TENM1: variants seen among roughly 807,000 people sequenced by gnomAD.
The protein encoded by TENM1 is teneurin transmembrane protein 1, also known as teneurin-1.
A neutral mutation model predicts 174.8 loss-of-function variants in TENM1; 35 were observed. The observed-to-expected ratio is 0.20, with a 90% CI of 0.15 to 0.27. The LOEUF is 0.27. Ranked by LOEUF, TENM1 falls within the 10% of genes least tolerant of loss-of-function variation. The probability of loss-of-function intolerance (pLI) is 1.00; values close to 1 mark genes in which losing one functional copy is unlikely to be tolerated. For synonymous variants in TENM1, 781 were observed against 798.7 expected, an observed-to-expected ratio of 0.98 and a Z score of 0.37; for missense variants, 1,633 against 2,130.1, an observed-to-expected ratio of 0.77 and a Z score of 4.59.
At chrX:125,021,139 C>G in the TENM1 span, among the ~76,000 whole-genome samples, 1 of 109,862 alleles carries the variant, frequency 9.1e-6, no homozygotes, top group Non-Finnish European at 1.9e-5. Context: ...GTTTTATGGT[C>G]TTGTCAAATT....
At chrX:124,951,943 G>A (rs774635525) in intron 1 of TENM1, among the ~76,000 whole-genome samples, 2 of 109,810 alleles carry the variant, frequency 1.8e-5, no homozygotes, top group Non-Finnish European at 3.8e-5. Context: ...AGATGCTTTG[G>A]TACTGCCAAT....
chrX:124,438,642 C>T (rs1460247985), intron 23 of TENM1, among the ~76,000 whole-genome samples: 1 of 111,738 alleles, frequency 8.9e-6, no homozygotes, highest in African/African-American at 3.3e-5. Flanking sequence ...GCATTGAGCA[C>T]GGTACTTGAC....
At chrX:124,380,841 G>T (rs1258332779) in exon 32 of TENM1, 1 of 1,211,279 alleles carries the variant, frequency 8.3e-7, no homozygotes, top group Non-Finnish European at 1.1e-6. Flanking sequence ...GCTCCATGCT[G>T]GAGCTGAATA....
chrX:124,392,276 G>A lies in TENM1; in HGVS notation c.5464C>T (p.Arg1822Ter), dbSNP rs1453916240. ...TAAAGAATTCGAAGGGTGAATTTTC[G>A]ATGGTCATCATAGATCTTTCCTGTG... Residue 1822 changes from arginine (R) to a stop codon, truncating the protein, a stop_gained, in exon 28 of 32, where the codon CGA becomes TGA. Transcript: ENST00000422452. LOFTEE classifies it high-confidence loss of function. 2 of 1,210,012 alleles carry A rather than the reference G, an allele frequency of 1.7e-6. No individual in the cohort carries two copies. The highest frequency in any genetic ancestry group is 2.2e-6 in the Non-Finnish European group (2 of 893,731).
the TENM1 span, among the ~76,000 whole-genome samples, chrX:125,124,128 C>A: frequency 1.8e-5 from 2 of 112,120 alleles, no homozygotes; most frequent in African/African-American, 6.5e-5. Context: ...GCACCCAATG[C>A]GTGTATCTTT....
the TENM1 span, among the ~76,000 whole-genome samples, chrX:125,018,703 G>A: frequency 9.0e-6 from 1 of 110,617 alleles, no homozygotes; most frequent in Non-Finnish European, 1.9e-5. Flanking sequence ...TTCATCTAGG[G>A]GTACCGTAAG....
At chrX:124,901,312 T>G (rs1299552902) in intron 1 of TENM1, among the ~76,000 whole-genome samples, 1 of 111,506 alleles carries the variant, frequency 9.0e-6, no homozygotes, top group Non-Finnish European at 1.9e-5. Flanking sequence ...TTAATAATTT[T>G]TTTTTAAATG....
At chrX:125,196,980 A>G in the TENM1 span, among the ~76,000 whole-genome samples, 20 of 111,566 alleles carry the variant, frequency 1.8e-4, no homozygotes, top group South Asian at 1.1e-3. Context: ...CCAATTGTCC[A>G]TCTAATCTGG....
intron 18 of TENM1, among the ~76,000 whole-genome samples, chrX:124,515,428 T>A (rs1157978223): frequency 9.0e-6 from 1 of 111,665 alleles, no homozygotes; most frequent in South Asian, 3.7e-4. Context: ...GCAAATAACA[T>A]GATTCTATAT....
intron 14 of TENM1, among the ~76,000 whole-genome samples, chrX:124,557,597 G>A (rs770941508): frequency 2.7e-3 from 304 of 110,730 alleles, no homozygotes; most frequent in African/African-American, 9.3e-3. Flanking sequence ...TCACAGTTCC[G>A]TTTATTTAAT....
the TENM1 span, among the ~76,000 whole-genome samples, chrX:125,072,320 C>G: frequency 9.0e-6 from 1 of 111,173 alleles, no homozygotes; most frequent in African/African-American, 3.3e-5. Flanking sequence ...TAAAATCAAT[C>G]TGATGCTGTT....
chrX:124,716,230 A>G (rs182418039), intron 4 of TENM1, among the ~76,000 whole-genome samples: 71 of 112,231 alleles, frequency 6.3e-4, no homozygotes, highest in Admixed American at 6.3e-3. Flanking sequence ...AAATAGCCTC[A>G]AAATAAAACA....
chrX:124,378,142 C>G (rs1244459162), exon 32 of TENM1: 1 of 111,734 alleles, frequency 8.9e-6, no homozygotes, highest in Non-Finnish European at 1.9e-5. Flanking sequence ...AGGCACGAAC[C>G]AACCAAATAC....
At chrX:125,056,383 ATTAAG>A in the TENM1 span, among the ~76,000 whole-genome samples, 1 of 112,073 alleles carries the variant, frequency 8.9e-6, no homozygotes, top group Admixed American at 9.5e-5. Context: ...GAGATAAGAA[ATTAAG>A]TTAAGCTAAA....
the TENM1 span, among the ~76,000 whole-genome samples, chrX:125,025,999 C>A: frequency 1.8e-5 from 2 of 109,476 alleles, no homozygotes; most frequent in African/African-American, 3.3e-5. Context: ...ATATTTATCT[C>A]AAAAAGTTGG....
At chrX:124,988,277 C>T in the TENM1 span, among the ~76,000 whole-genome samples, 1 of 111,599 alleles carries the variant, frequency 9.0e-6, no homozygotes. Context: ...GCTAAAGAAC[C>T]TTTAAACATT....
chrX:125,145,888 C>T, the TENM1 span, among the ~76,000 whole-genome samples: 1 of 112,036 alleles, frequency 8.9e-6, no homozygotes, highest in African/African-American at 3.2e-5. Flanking sequence ...GTAAAACTAA[C>T]TAAATCTTTG....
chrX:124,633,336 T>A (rs1205261385), intron 11 of TENM1, among the ~76,000 whole-genome samples: 1 of 111,902 alleles, frequency 8.9e-6, no homozygotes, highest in East Asian at 2.8e-4. Flanking sequence ...TTTAAATATA[T>A]GTCTCTGGTT....
At chrX:124,955,086 G>C (rs1390072277) in intron 1 of TENM1, among the ~76,000 whole-genome samples, 6 of 111,982 alleles carry the variant, frequency 5.4e-5, no homozygotes, top group Admixed American at 2.9e-4. Context: ...ACATTCTCCA[G>C]TTGAGCCTTA....
Sources: allele counts gnomAD v4.1 joint callset (sites outside exome capture counted in the v4.1 genomes callset), GRCh38; gene constraint gnomAD v4.1.1; transcripts MANE v1.5; gene names NCBI Gene and HGNC (gene_info 2026-07-23, HGNC 2026-07-21).